Variants in ITGBL1 observed in about 807,000 individuals in gnomAD.
ITGBL1 encodes integrin beta-like protein 1.
A neutral mutation model predicts 68.5 loss-of-function variants in ITGBL1; 51 were observed. The ratio of observed to expected loss-of-function variants is 0.74; its 90% CI spans 0.59 to 0.94. The LOEUF (loss-of-function observed/expected upper bound fraction) is 0.94, where lower values mean the gene tolerates loss of function less well. ITGBL1 is among the 40% of genes least tolerant of loss of function. The probability of loss-of-function intolerance (pLI) is 0.00; values close to 1 mark genes in which losing one functional copy is unlikely to be tolerated. For synonymous variants in ITGBL1, 209 were observed against 227.3 expected (o/e 0.92, Z 0.72); for missense variants, 649 against 647.4 (o/e 1.00, Z -0.03).
At chr13:101,655,623 A>C (rs984345608) in intron 7 of ITGBL1, among the ~76,000 whole-genome samples, 13 of 152,214 alleles carry the variant, frequency 8.5e-5, no homozygotes, top group Non-Finnish European at 1.5e-5. Flanking sequence ...CTATGAAGCT[A>C]ATGCTAGATC....
chr13:101,697,270 T>A (rs567594555), intron 8 of ITGBL1, among the ~76,000 whole-genome samples: 2 of 152,080 alleles, frequency 1.3e-5, no homozygotes, highest in Non-Finnish European at 2.9e-5. Flanking sequence ...AACCACAAAA[T>A]AAAAATCACC....
intron 7 of ITGBL1, among the ~76,000 whole-genome samples, chr13:101,676,068 AATAG>A (rs138142268): frequency 0.16 from 24,920 of 152,080 alleles, 2,616 homozygotes; most frequent in Admixed American, 0.26. Context: ...TTTTAAAAGT[AATAG>A]ATATTTTAGT....
At chr13:101,659,810 T>A (rs2033035645) in intron 7 of ITGBL1, among the ~76,000 whole-genome samples, 1 of 152,164 alleles carries the variant, frequency 6.6e-6, no homozygotes, top group Non-Finnish European at 1.5e-5. Flanking sequence ...TGTAAGTATA[T>A]GTGTGTAGGA....
intron 7 of ITGBL1, among the ~76,000 whole-genome samples, chr13:101,627,357 A>G (rs1044091341): frequency 6.6e-6 from 1 of 151,974 alleles, no homozygotes; most frequent in Non-Finnish European, 1.5e-5. Context: ...GAGATCCCAT[A>G]TACTCCCTGC....
intron 2 of ITGBL1, among the ~76,000 whole-genome samples, chr13:101,545,681 C>A (rs371717004): frequency 3.9e-5 from 6 of 152,074 alleles, no homozygotes; most frequent in Admixed American, 3.3e-4. Flanking sequence ...ATGGGAGAAC[C>A]AAGCTAAATA....
intron 2 of ITGBL1, among the ~76,000 whole-genome samples, chr13:101,465,115 A>T (rs2048366271): frequency 1.3e-5 from 2 of 152,264 alleles, no homozygotes; most frequent in African/African-American, 4.8e-5. Context: ...TTCGAATTAC[A>T]GTTAATAGTT....
chr13:101,609,050 A>G (rs1166827419), intron 7 of ITGBL1, among the ~76,000 whole-genome samples: 2 of 152,036 alleles, frequency 1.3e-5, no homozygotes, highest in Non-Finnish European at 2.9e-5. Flanking sequence ...TGAACTGACA[A>G]TGCCCACTAT....
chr13:101,699,941 A>T (rs1271579271), intron 8 of ITGBL1, among the ~76,000 whole-genome samples: 1 of 152,190 alleles, frequency 6.6e-6, no homozygotes, highest in African/African-American at 2.4e-5. Context: ...TCATGAGACA[A>T]CACAATCTTA....
intron 2 of ITGBL1, among the ~76,000 whole-genome samples, chr13:101,519,516 TCTGC>T (rs966505097): frequency 6.6e-6 from 1 of 152,068 alleles, no homozygotes; most frequent in Admixed American, 6.6e-5. Context: ...TTCCTGCCTG[TCTGC>T]CTGCCTGCCT....
In ITGBL1 at chr13:101,671,426, G is replaced by GTTTTTTTTTTTTT. The variant is rs66501713; in HGVS notation, c.1016-21149_1016-21148insTTTTTTTTTTTTT. ...AGCTATTTGACAAAAGTATACCTTTGTTTTTTTTTTGTTTTTTTTTGTTTT... is the reference window on the plus strand; with the variant it reads ...AGCTATTTGACAAAAGTATACCTTTGTTTTTTTTTTTTTTTTTTTTTTTGTTTTTTTTTGTTTT... On this transcript the variant is annotated intron_variant, in intron 7 of 10. Transcript: ENST00000376180. Among the ~76,000 whole-genome samples the GTTTTTTTTTTTTT allele has an allele frequency of 1.3e-3, 147 of 112,642 alleles. 29 individuals are homozygous for GTTTTTTTTTTTTT. Among genetic ancestry groups the GTTTTTTTTTTTTT allele is most frequent in the Middle Eastern group, 6.3e-3 (1 of 160 alleles). 73.9% of individuals were successfully genotyped at this position (112,642 alleles called of 152,430 possible).
At chr13:101,625,844 G>T (rs1035871191) in intron 7 of ITGBL1, among the ~76,000 whole-genome samples, 1 of 152,034 alleles carries the variant, frequency 6.6e-6, no homozygotes, top group Admixed American at 6.6e-5. Flanking sequence ...GTGAGCCACC[G>T]CACCCGGCCA....
At chr13:101,720,528 CTCTG>C (rs1158113262), downstream of ITGBL1, 11 of 92,694 alleles carry the variant, frequency 1.2e-4, no homozygotes, top group African/African-American at 2.4e-4. Context: ...GGGGTGTTTG[CTCTG>C]TGTGTGTGTG....
At chr13:101,496,891 A>G (rs1026818437) in intron 2 of ITGBL1, among the ~76,000 whole-genome samples, 10 of 152,218 alleles carry the variant, frequency 6.6e-5, no homozygotes, top group African/African-American at 2.2e-4. Context: ...TCCAGAGATG[A>G]ACATGGAGGA....
At chr13:101,668,466 A>T (rs189040126) in intron 7 of ITGBL1, among the ~76,000 whole-genome samples, 4 of 152,306 alleles carry the variant, frequency 2.6e-5, no homozygotes, top group Non-Finnish European at 5.9e-5. Context: ...TTTAAAAAAG[A>T]TGACTAATAT....
rs1344167400 is a variant in ITGBL1 at position 101,716,018 on chromosome 13, TCCCGCA to T, written c.*365_*370del. On this transcript the variant is annotated 3_prime_UTR_variant, in exon 11 of 11. Transcript: ENST00000376180. Reference sequence around the variant, plus strand: ...TAGAGGCCAGGGATGCTGCTGAGCATCCCGCAGTGTACAGGACAGCCCCCAAACAAG... The same window carrying T: ...TAGAGGCCAGGGATGCTGCTGAGCATGTGTACAGGACAGCCCCCAAACAAG... 1 of 235,756 alleles carries T rather than the reference TCCCGCA, an allele frequency of 4.2e-6. No homozygotes were observed. Among genetic ancestry groups the T allele is most frequent in the African/African-American group, 2.3e-5 (1 of 43,712 alleles). 14.6% of individuals were successfully genotyped at this position (235,756 alleles called of 1,614,324 possible).
chr13:101,605,011 CGTATATGT>C (rs2030660466), intron 7 of ITGBL1, among the ~76,000 whole-genome samples: 1 of 118,672 alleles, frequency 8.4e-6, no homozygotes, highest in South Asian at 2.6e-4. Flanking sequence ...TACATATATG[CGTATATGT>C]GTATATGTAT....
At chr13:101,568,953 C>G (rs889753012) in intron 3 of ITGBL1, among the ~76,000 whole-genome samples, 1 of 151,846 alleles carries the variant, frequency 6.6e-6, no homozygotes, top group Admixed American at 6.6e-5. Flanking sequence ...CATCATATTT[C>G]TCTAGCACTT....
intron 7 of ITGBL1, among the ~76,000 whole-genome samples, chr13:101,674,235 A>T (rs1034609665): frequency 6.6e-6 from 1 of 152,200 alleles, no homozygotes; most frequent in Non-Finnish European, 1.5e-5. Flanking sequence ...TGCTTGTCTA[A>T]CCTTGGACTA....
At chr13:101,527,886 C>G (rs2049406539) in intron 2 of ITGBL1, among the ~76,000 whole-genome samples, 1 of 151,914 alleles carries the variant, frequency 6.6e-6, no homozygotes, top group Admixed American at 6.6e-5. Flanking sequence ...TCTCATTACT[C>G]AGAAGAACAT....
Sources: gnomAD v4.1 joint callset for allele counts (sites outside exome capture counted in the v4.1 genomes callset) on GRCh38, gnomAD v4.1.1 for gene constraint, MANE v1.5 for transcripts, NCBI Gene and HGNC (gene_info 2026-07-23, HGNC 2026-07-21) for gene names.